PTPRM: variants seen among roughly 807,000 people sequenced by gnomAD.
PTPRM encodes protein tyrosine phosphatase receptor type M, also known as receptor-type tyrosine-protein phosphatase mu.
PTPRM carries 47 observed loss-of-function variants against 186.7 expected under a neutral mutation model. The ratio of observed to expected loss-of-function variants is 0.25; its 90% CI spans 0.20 to 0.32. The LOEUF is 0.32. PTPRM is among the 10% of genes least tolerant of loss of function. The pLI, the probability that PTPRM is intolerant of heterozygous loss-of-function variation, is 1.00. For synonymous variants in PTPRM, 668 were observed against 674.9 expected, an observed-to-expected ratio of 0.99 and a Z score of 0.16; for missense variants, 1,494 against 1,865.0, an observed-to-expected ratio of 0.80 and a Z score of 3.66.
At chr18:8,002,155 G>C (rs1166193594) in intron 7 of PTPRM, among the ~76,000 whole-genome samples, 1 of 152,186 alleles carries the variant, frequency 6.6e-6, no homozygotes, top group African/African-American at 2.4e-5. Flanking sequence ...GGCAGAAAAT[G>C]CATCTGGAAA....
chr18:8,211,817 C>A (rs1406151403), intron 14 of PTPRM, among the ~76,000 whole-genome samples: 1 of 152,090 alleles, frequency 6.6e-6, no homozygotes, highest in African/African-American at 2.4e-5. Context: ...TGAAATTGTT[C>A]TGTTGTGGAA....
At chr18:8,217,659 C>T (rs2094106108) in intron 14 of PTPRM, among the ~76,000 whole-genome samples, 1 of 152,118 alleles carries the variant, frequency 6.6e-6, no homozygotes, top group South Asian at 2.1e-4. Flanking sequence ...CCTTTAGTGC[C>T]CTGGAAATGA....
intron 26 of PTPRM, chr18:8,377,475 A>T (rs1414231647): frequency 1.3e-5 from 2 of 152,090 alleles, no homozygotes; most frequent in African/African-American, 4.8e-5. Context: ...AAATGTTGCC[A>T]CTCGCATTTC....
intron 7 of PTPRM, among the ~76,000 whole-genome samples, chr18:7,968,385 G>T (rs2054295317): frequency 1.4e-5 from 2 of 146,926 alleles, no homozygotes; most frequent in Non-Finnish European, 3.0e-5. Context: ...AGACTAGGAA[G>T]AAACTGCATC....
At chr18:7,797,219 A>G (rs949973786) in intron 2 of PTPRM, among the ~76,000 whole-genome samples, 2 of 152,236 alleles carry the variant, frequency 1.3e-5, no homozygotes, top group Admixed American at 6.5e-5. Context: ...CCTGAAGCAC[A>G]TGCAGGTGCC....
intron 7 of PTPRM, among the ~76,000 whole-genome samples, chr18:7,974,397 G>C (rs1342619334): frequency 2.0e-5 from 3 of 152,174 alleles, no homozygotes; most frequent in Non-Finnish European, 4.4e-5. Context: ...AAAGCTTACA[G>C]AGATTCCCAG....
intron 19 of PTPRM, among the ~76,000 whole-genome samples, chr18:8,263,101 A>C (rs1277049412): frequency 6.6e-6 from 1 of 152,100 alleles, no homozygotes; most frequent in Non-Finnish European, 1.5e-5. Context: ...CCTGTTTAAA[A>C]ATTTGAGGAT....
chr18:8,368,842 G>A (rs375003378), intron 23 of PTPRM, among the ~76,000 whole-genome samples: 20 of 152,338 alleles, frequency 1.3e-4, no homozygotes, highest in South Asian at 2.1e-4. Context: ...AGGACACAGC[G>A]ATCAGGTGTT....
intron 14 of PTPRM, among the ~76,000 whole-genome samples, chr18:8,151,175 G>C (rs186153340): frequency 1.1e-3 from 173 of 152,208 alleles, no homozygotes; most frequent in Non-Finnish European, 2.3e-3. Context: ...TAGATCTGCT[G>C]TTCTCTTCAG....
At chr18:7,626,642 G>A (rs866436896) in intron 1 of PTPRM, among the ~76,000 whole-genome samples, 1 of 152,194 alleles carries the variant, frequency 6.6e-6, no homozygotes, top group South Asian at 2.1e-4. Context: ...CCCTTGCTCA[G>A]GGTCTAAGCC....
chr18:8,149,658 A>G (rs1439422811), intron 14 of PTPRM, among the ~76,000 whole-genome samples: 1 of 146,000 alleles, frequency 6.8e-6, no homozygotes, highest in African/African-American at 2.5e-5. Flanking sequence ...TGTAAGGTTA[A>G]TATTGTTATA....
intron 13 of PTPRM, 119 bp downstream of exon 13, chr18:8,114,946 T>G: frequency 1.4e-6 from 1 of 705,362 alleles, no homozygotes; most frequent in Non-Finnish European, 2.4e-6. Flanking sequence ...GTATTATATA[T>G]ACATATATAT....
At position 8,203,221 on chromosome 18, in the gene PTPRM, T is replaced by C. The variant is rs920063611; in HGVS notation, c.2301-40837T>C. ...ATTCTGGGCTTTGAGGGTAACACGA[T>C]GTAACTGGTATTGTATACATTAACA... On this transcript the variant is annotated intron_variant, in intron 14 of 32. Transcript: ENST00000580170. 2.6e-5 allele frequency among the ~76,000 whole-genome samples: 4 copies of C among 152,346 alleles called. No individual in the cohort carries two copies. In the East Asian group the frequency reaches 5.8e-4, roughly 22 times the overall value.
At chr18:7,589,954 CTTA>C (rs1307034960) in intron 1 of PTPRM, among the ~76,000 whole-genome samples, 1 of 152,150 alleles carries the variant, frequency 6.6e-6, no homozygotes, top group African/African-American at 2.4e-5. Flanking sequence ...CATCAAGCCA[CTTA>C]TTATGTGACA....
At chr18:7,842,916 G>A (rs2046408753) in intron 2 of PTPRM, among the ~76,000 whole-genome samples, 1 of 76,028 alleles carries the variant, frequency 1.3e-5, no homozygotes, top group Non-Finnish European at 2.3e-5. Flanking sequence ...TCATATGTGT[G>A]TGTGTGTGTG....
At chr18:8,175,493 A>G (rs1350600276) in intron 14 of PTPRM, among the ~76,000 whole-genome samples, 2 of 152,236 alleles carry the variant, frequency 1.3e-5, no homozygotes, top group African/African-American at 2.4e-5. Context: ...TCCAGAAGGT[A>G]CTGTTTCTTA....
chr18:8,090,088 G>A (rs2090630967), intron 11 of PTPRM, among the ~76,000 whole-genome samples: 1 of 152,110 alleles, frequency 6.6e-6, no homozygotes, highest in African/African-American at 2.4e-5. Flanking sequence ...TTCGAGTGAT[G>A]TGCTTGACAC....
intron 14 of PTPRM, among the ~76,000 whole-genome samples, chr18:8,197,860 G>A (rs2093800951): frequency 6.6e-6 from 1 of 152,142 alleles, no homozygotes; most frequent in South Asian, 2.1e-4. Flanking sequence ...TAGAGCCAAG[G>A]CATTTGACTG....
rs566258265 is a variant in PTPRM at position 8,081,536 on chromosome 18, C to G, written c.1552-4135C>G. ...ACTTAATAAGCATGTATTGAATGAA[C>G]AAGTGGAAAAGTAAAGCTGAAACCA... is the stretch of plus-strand genomic sequence containing the variant. On this transcript the variant is annotated intron_variant, in intron 9 of 32. Transcript: ENST00000580170. Among the ~76,000 whole-genome samples, 4 of 152,210 alleles carry G rather than the reference C, an allele frequency of 2.6e-5. No homozygotes were observed. In the South Asian group the frequency reaches 8.3e-4, roughly 32 times the overall value.
Sources: allele counts gnomAD v4.1 joint callset (sites outside exome capture counted in the v4.1 genomes callset), GRCh38; gene constraint gnomAD v4.1.1; transcripts MANE v1.5; gene names NCBI Gene and HGNC (gene_info 2026-07-23, HGNC 2026-07-21).